Variants in MDGA2 observed in about 807,000 individuals in gnomAD.
MDGA2 encodes MAM domain-containing glycosylphosphatidylinositol anchor protein 2.
Under a neutral mutation model 117.8 loss-of-function variants are expected in MDGA2, and 40 were observed. The observed-to-expected ratio is 0.34, with a 90% confidence interval of 0.26 to 0.44. The LOEUF is 0.44. MDGA2 is among the 20% of genes least tolerant of loss of function. MDGA2 has a pLI of 1.00. For synonymous variants in MDGA2, 452 were observed against 439.0 expected (o/e 1.03, Z -0.37); for missense variants, 1,123 against 1,250.6 (o/e 0.90, Z 1.54).
chr14:47,268,634 G>T (rs148264526), intron 2 of MDGA2, among the ~76,000 whole-genome samples: 177 of 152,200 alleles, frequency 1.2e-3, no homozygotes, highest in African/African-American at 4.1e-3. Flanking sequence ...ACTGTCATAT[G>T]TCTAGATGCA....
intron 1 of MDGA2, among the ~76,000 whole-genome samples, chr14:47,558,084 G>A (rs1895718925): frequency 6.6e-6 from 1 of 152,164 alleles, no homozygotes; most frequent in Non-Finnish European, 1.5e-5. Flanking sequence ...GAAAATGAAG[G>A]CAAGTGGGGA....
At chr14:47,431,309 G>T (rs537596506) in intron 1 of MDGA2, among the ~76,000 whole-genome samples, 8 of 151,414 alleles carry the variant, frequency 5.3e-5, no homozygotes, top group Non-Finnish European at 1.0e-4. Flanking sequence ...GTTTAGGGAG[G>T]GGAAAAATAT....
At chr14:47,496,034 T>C (rs1055261972) in intron 1 of MDGA2, among the ~76,000 whole-genome samples, 1 of 152,108 alleles carries the variant, frequency 6.6e-6, no homozygotes, top group Non-Finnish European at 1.5e-5. Flanking sequence ...GTAAATTGCC[T>C]CTTCACATAC....
At chr14:46,867,438 T>C (rs1881818468) in intron 14 of MDGA2, among the ~76,000 whole-genome samples, 2 of 152,080 alleles carry the variant, frequency 1.3e-5, no homozygotes, top group South Asian at 4.1e-4. Flanking sequence ...ATATACCTAA[T>C]GCTAGATGAC....
At chr14:47,454,511 C>T (rs1215919157) in intron 1 of MDGA2, among the ~76,000 whole-genome samples, 2 of 152,106 alleles carry the variant, frequency 1.3e-5, no homozygotes, top group African/African-American at 2.4e-5. Context: ...ATTTAATGTC[C>T]TTAAGGTATC....
intron 1 of MDGA2, among the ~76,000 whole-genome samples, chr14:47,577,151 G>C (rs1896131124): frequency 6.6e-6 from 1 of 152,104 alleles, no homozygotes; most frequent in South Asian, 2.1e-4. Flanking sequence ...GTAGAGTAAA[G>C]AGTAGAAATA....
chr14:47,154,817 G>A (rs1302373182), intron 3 of MDGA2, among the ~76,000 whole-genome samples: 2 of 152,166 alleles, frequency 1.3e-5, no homozygotes, highest in East Asian at 1.9e-4. Flanking sequence ...GCAGATAGGC[G>A]GCTGGGCGGA....
intron 15 of MDGA2, among the ~76,000 whole-genome samples, chr14:46,854,119 G>T (rs2138297726): frequency 6.6e-6 from 1 of 151,636 alleles, no homozygotes; most frequent in South Asian, 2.1e-4. Context: ...TAGATTACAA[G>T]AAAAGGTCAT....
At chr14:47,350,599 G>A (rs1890857715) in intron 1 of MDGA2, among the ~76,000 whole-genome samples, 1 of 152,188 alleles carries the variant, frequency 6.6e-6, no homozygotes. Flanking sequence ...GCGCACACGT[G>A]GGAGTGTAAG....
At chr14:47,075,965 C>A (rs1420390275) in intron 6 of MDGA2, among the ~76,000 whole-genome samples, 1 of 151,944 alleles carries the variant, frequency 6.6e-6, no homozygotes, top group South Asian at 2.1e-4. Context: ...CATTTATGAC[C>A]CTTTGAAAAC....
At chr14:47,598,328 T>C (rs1896585223) in intron 1 of MDGA2, among the ~76,000 whole-genome samples, 1 of 152,220 alleles carries the variant, frequency 6.6e-6, no homozygotes, top group Non-Finnish European at 1.5e-5. Context: ...CCCAGGTACA[T>C]ATTCAAAATA....
intron 10 of MDGA2, 53 bp from the exon 11 acceptor site, chr14:46,882,274 C>A (rs1448636623): frequency 8.2e-6 from 12 of 1,456,828 alleles, no homozygotes; most frequent in Admixed American, 2.4e-5. Flanking sequence ...TTCAGAGGTA[C>A]TAAGAAAATT....
chr14:47,005,477 T>C (rs1370826135), intron 8 of MDGA2, among the ~76,000 whole-genome samples: 1 of 151,674 alleles, frequency 6.6e-6, no homozygotes, highest in African/African-American at 2.4e-5. Context: ...TCATAATGTA[T>C]TATCATTTTT....
intron 1 of MDGA2, among the ~76,000 whole-genome samples, chr14:47,457,812 G>GTTTTTTTTTTTTTT (rs34337535): frequency 7.0e-6 from 1 of 143,690 alleles, no homozygotes. Flanking sequence ...ATTTTTTTCT[G>GTTTTTTTTTTTTTT]TTTTTTTTTT....
chr14:47,098,787 A>G (rs1267376970), intron 5 of MDGA2, among the ~76,000 whole-genome samples: 1 of 151,950 alleles, frequency 6.6e-6, no homozygotes, highest in Non-Finnish European at 1.5e-5. Flanking sequence ...AAAAGGCCCA[A>G]GGCCTAAAGG....
chr14:46,909,622 AT>A (rs2062563860), intron 10 of MDGA2, among the ~76,000 whole-genome samples: 1 of 152,220 alleles, frequency 6.6e-6, no homozygotes, highest in African/African-American at 2.4e-5. Flanking sequence ...TGAGGCAAGG[AT>A]AATCAAAAAA....
In MDGA2 at chr14:46,920,022, C is replaced by A. The variant is rs45471296; in HGVS notation, c.2228G>T (p.Gly743Val). ...AGTTAGATTTCTCACCTGCCTGATG[C>A]CCAACCGGTATGCAACAATCCGATC... ...AVDRIVAYRL[G>V]IRQAGQQRWW... The change falls in exon 10 of 17, where the codon GGC becomes GTC. Residue 743 changes from glycine to valine, a missense_variant. This residue lies in a region of MDGA2 where 890 missense variants were observed against 1,050.3 expected (regional missense o/e 0.85). Coordinates refer to ENST00000399232, the MANE Select transcript of MDGA2 (RefSeq NM_001113498.3). The A allele has an allele frequency of 6.3e-7, 1 of 1,576,698 alleles. No individual in the cohort carries two copies. Among genetic ancestry groups the A allele is most frequent in the South Asian group, 1.2e-5 (1 of 81,848 alleles).
rs33947517 is a variant in MDGA2 at position 47,138,724 on chromosome 14, TC to T, written c.792+5353del. Among the ~76,000 whole-genome samples, 1,279 of 152,220 alleles carry T rather than the reference TC, an allele frequency of 8.4e-3. 21 individuals carry two copies. The highest frequency in any genetic ancestry group is 0.028 in the African/African-American group (1,183 of 41,554). On this transcript the variant is annotated intron_variant, in intron 4 of 16. Transcript: ENST00000399232. ...ATTCATTCATTTTGATACTTAGATA[TC>T]AGTAAAAACTAAAGTCTGTCAATTT...
intron 3 of MDGA2, among the ~76,000 whole-genome samples, chr14:47,194,767 T>TC (rs1885230249): frequency 6.6e-6 from 1 of 151,810 alleles, no homozygotes. Flanking sequence ...TCACTCTCTC[T>TC]TTCTCTCTCA....
Sources: allele counts gnomAD v4.1 joint callset (sites outside exome capture counted in the v4.1 genomes callset), GRCh38; gene constraint gnomAD v4.1.1; regional missense constraint gnomAD v4.1.1; transcripts MANE v1.5; gene names NCBI Gene and HGNC (gene_info 2026-07-23, HGNC 2026-07-21).